Variants in LRP6 observed in about 807,000 individuals in gnomAD.
LRP6 encodes LDL receptor related protein 6.
A neutral mutation model predicts 184.1 loss-of-function variants in LRP6; 43 were observed. That is an observed-to-expected ratio of 0.23 (90% confidence interval 0.18 to 0.30). The LOEUF is 0.30. Among genes scored for constraint, LRP6 ranks in the 10% least tolerant of loss-of-function variants. LRP6 has a pLI of 1.00. For synonymous variants in LRP6, 719 were observed against 684.9 expected (o/e 1.05, Z -0.78); for missense variants, 1,571 against 2,005.3 (o/e 0.78, Z 4.14).
intron 15 of LRP6, among the ~76,000 whole-genome samples, chr12:12,145,618 CTTTT>C (rs1183086457): frequency 3.7e-5 from 3 of 80,512 alleles, no homozygotes; most frequent in African/African-American, 1.4e-4. Flanking sequence ...TTTCTTTTTT[CTTTT>C]TCTTTTTTTT....
At chr12:12,228,896 G>C (rs1864701182) in intron 2 of LRP6, among the ~76,000 whole-genome samples, 1 of 152,170 alleles carries the variant, frequency 6.6e-6, no homozygotes, top group Non-Finnish European at 1.5e-5. Flanking sequence ...CAGCGAGCTA[G>C]GAAAGAGGCA....
rs1186651093 is a variant in LRP6 at position 12,181,050 on chromosome 12, T to A, written c.1366A>T (p.Met456Leu). 1 of 1,613,996 alleles carries A rather than the reference T, an allele frequency of 6.2e-7. No individual in the cohort carries two copies. The highest frequency in any genetic ancestry group is 8.5e-7 in the Non-Finnish European group (1 of 1,179,968). The change falls in exon 6 of 23, where the codon ATG becomes TTG. Residue 456 changes from methionine (M) to leucine (L), a missense_variant. This residue lies in a region of LRP6 where 640 missense variants were observed against 851.9 expected (regional missense o/e 0.75). Transcript: ENST00000261349. Reference sequence around the variant, plus strand: ...ATCAGTAGAGCTTCTTACCCAACCATGGGATCTAACACAATAGCCCGGGGT... The same window carrying A: ...ATCAGTAGAGCTTCTTACCCAACCAAGGGATCTAACACAATAGCCCGGGGT... ...EEPRAIVLDP[M>L]VGYMYWTDWG...
chr12:12,195,655 T>C (rs1863735275), intron 3 of LRP6, among the ~76,000 whole-genome samples: 1 of 152,172 alleles, frequency 6.6e-6, no homozygotes, highest in African/African-American at 2.4e-5. Context: ...GTCTTTTCAC[T>C]GTGTTGTTTC....
intron 1 of LRP6, among the ~76,000 whole-genome samples, chr12:12,263,390 A>G (rs569369691): frequency 6.6e-6 from 1 of 152,032 alleles, no homozygotes; most frequent in African/African-American, 2.4e-5. Flanking sequence ...CCTGGCTAAC[A>G]CAGTGAAACC....
At chr12:12,236,673 A>C (rs925090116) in intron 2 of LRP6, among the ~76,000 whole-genome samples, 1 of 152,132 alleles carries the variant, frequency 6.6e-6, no homozygotes, top group Non-Finnish European at 1.5e-5. Context: ...TGTTCCCACA[A>C]TCCCCTCCTC....
intron 20 of LRP6, among the ~76,000 whole-genome samples, chr12:12,125,680 C>G (rs996664335): frequency 1.4e-4 from 21 of 152,112 alleles, no homozygotes; most frequent in Non-Finnish European, 2.4e-4. Flanking sequence ...CTTCTCCCTC[C>G]CCTGGTAGAA....
intron 7 of LRP6, among the ~76,000 whole-genome samples, chr12:12,177,598 A>G (rs191963678): frequency 6.6e-6 from 1 of 152,280 alleles, no homozygotes; most frequent in African/African-American, 2.4e-5. Flanking sequence ...TTACATCAAC[A>G]TAAGAAGAGA....
chr12:12,180,155 A>G (rs1194307039), intron 6 of LRP6, among the ~76,000 whole-genome samples, 174 bp from the exon 7 acceptor site: 2 of 149,984 alleles, frequency 1.3e-5, no homozygotes, highest in Admixed American at 6.6e-5. Flanking sequence ...CCAGCAATAT[A>G]TAAGATTGTG....
At position 12,266,987 on chromosome 12, in the gene LRP6, C is replaced by A. The variant is rs1865790562; in HGVS notation, c.-252G>T. On this transcript the variant is annotated 5_prime_UTR_variant, in exon 1 of 23. Coordinates refer to ENST00000261349, the MANE Select transcript of LRP6 (RefSeq NM_002336.3). ...CCCGCCGCCTCCTCCCCCGGCGCCC[C>A]GCTTCCCCCGCGCAGCTCCTCATTC... The A allele has an allele frequency of 1.9e-6, 1 of 531,074 alleles. No homozygotes were observed. Among genetic ancestry groups the A allele is most frequent in the Non-Finnish European group, 3.3e-6 (1 of 304,388 alleles). The allele number at this position is 531,074 out of a possible 1,614,324, so 32.9% of individuals were successfully genotyped here.
chr12:12,144,863 T>C (rs928059099), intron 15 of LRP6, among the ~76,000 whole-genome samples: 1 of 127,194 alleles, frequency 7.9e-6, no homozygotes, highest in Non-Finnish European at 1.6e-5. Context: ...AATTAAACAA[T>C]GAGATCACTT....
intron 3 of LRP6, among the ~76,000 whole-genome samples, chr12:12,198,421 T>C (rs1169425590): frequency 6.6e-6 from 1 of 152,066 alleles, no homozygotes; most frequent in African/African-American, 2.4e-5. Context: ...TCAACCTCTA[T>C]TTAAAGGTTT....
At chr12:12,216,832 AC>A (rs1864361716) in intron 2 of LRP6, among the ~76,000 whole-genome samples, 2 of 130,780 alleles carry the variant, frequency 1.5e-5, no homozygotes, top group African/African-American at 5.8e-5. Flanking sequence ...CCTCCCACAC[AC>A]CCTCCCCCTC....
chr12:12,164,698 A>C, intron 8 of LRP6, 136 bp from the exon 9 acceptor site: 1 of 785,888 alleles, frequency 1.3e-6, no homozygotes, highest in South Asian at 1.7e-5. Context: ...TCAAGTTTCA[A>C]TTCTAATATC....
intron 7 of LRP6, among the ~76,000 whole-genome samples, chr12:12,170,338 G>C (rs1397552780): frequency 6.6e-6 from 1 of 152,002 alleles, no homozygotes; most frequent in Non-Finnish European, 1.5e-5. Flanking sequence ...CTCAAAAACA[G>C]TATAAAACAG....
intron 3 of LRP6, among the ~76,000 whole-genome samples, chr12:12,197,965 T>A (rs1863808794): frequency 6.6e-6 from 1 of 152,180 alleles, no homozygotes; most frequent in Non-Finnish European, 1.5e-5. Context: ...GGATAGCTTG[T>A]GCCCAAGAGG....
Position 12,126,697 on chromosome 12 carries a change from G to A in LRP6, c.4306C>T (p.Leu1436Phe), listed in dbSNP as rs754635498. The A allele has an allele frequency of 1.2e-6, 2 of 1,613,622 alleles. No individual in the cohort carries two copies. The highest frequency in any genetic ancestry group is 1.3e-5 in the African/African-American group (1 of 74,940). ...TGGATCCATCCTGACTCACCTGGAA[G>A]AGATCCTGACAAAGAACTTGGGTGT... ...VPHPSSLSGS[L>F]PGMSRGKSMI... The change falls in exon 20 of 23, where the codon CTT becomes TTT. Residue 1436 changes from leucine to phenylalanine, a missense_variant. Physicochemically the swap from Leu to Phe is conservative, Grantham distance 22. This residue lies in a region of LRP6 where 763 missense variants were observed against 859.5 expected (regional missense o/e 0.89). Coordinates refer to ENST00000261349, the MANE Select transcript of LRP6 (RefSeq NM_002336.3).
chr12:12,183,712 T>A (rs1333495985), intron 5 of LRP6, among the ~76,000 whole-genome samples: 2 of 152,208 alleles, frequency 1.3e-5, no homozygotes, highest in Non-Finnish European at 2.9e-5. Flanking sequence ...AACTGTGATA[T>A]CAATGACTAT....
At chr12:12,228,866 C>G (rs1294484342) in intron 2 of LRP6, among the ~76,000 whole-genome samples, 1 of 152,092 alleles carries the variant, frequency 6.6e-6, no homozygotes, top group Non-Finnish European at 1.5e-5. Context: ...CTAGGGAAAG[C>G]AGAAAATGGC....
chr12:12,183,081 T>C (rs1403637640), intron 5 of LRP6, among the ~76,000 whole-genome samples: 1 of 152,218 alleles, frequency 6.6e-6, no homozygotes, highest in Non-Finnish European at 1.5e-5. Flanking sequence ...CTTCACCTTT[T>C]ACTATGAGGA....
Sources: allele counts gnomAD v4.1 joint callset (sites outside exome capture counted in the v4.1 genomes callset), GRCh38; gene constraint gnomAD v4.1.1; regional missense constraint gnomAD v4.1.1; transcripts MANE v1.5; gene names NCBI Gene and HGNC (gene_info 2026-07-23, HGNC 2026-07-21).